SLC16A5: variants seen among roughly 807,000 people sequenced by gnomAD.
SLC16A5 encodes monocarboxylate transporter 6.
SLC16A5 carries 29 observed loss-of-function variants against 33.2 expected under a neutral mutation model. The observed-to-expected ratio is 0.87, with a 90% CI of 0.65 to 1.19. SLC16A5 has a LOEUF of 1.19. Among genes scored for constraint, SLC16A5 ranks in the 50% most tolerant of loss-of-function variants. SLC16A5 has a pLI of 0.00. For missense variants in SLC16A5, 606 were observed against 678.2 expected, an observed-to-expected ratio of 0.89 and a Z score of 1.18; for synonymous variants, 248 against 284.1, an observed-to-expected ratio of 0.87 and a Z score of 1.28.
At chr17:75,098,216 C>G (rs781276728) in intron 4 of SLC16A5, 35 bp downstream of exon 4, 3 of 1,609,994 alleles carry the variant, frequency 1.9e-6, no homozygotes, top group Non-Finnish European at 2.5e-6. Context: ...TTTATAGGCA[C>G]CTGCTAGAAA....
At chr17:75,094,665 A>G (rs1487604223) in intron 3 of SLC16A5, among the ~76,000 whole-genome samples, 1 of 146,504 alleles carries the variant, frequency 6.8e-6, no homozygotes, top group African/African-American at 2.6e-5. Flanking sequence ...CAGCCTGGGC[A>G]ACAAGAGTGA....
chr17:75,105,703 G>A (rs2073854095), intron 6 of SLC16A5, 177 bp from the exon 7 acceptor site: 1 of 985,442 alleles, frequency 1.0e-6, no homozygotes, highest in Non-Finnish European at 1.2e-6. Context: ...CCTGCAGCAG[G>A]TCATAAACTC....
intron 6 of SLC16A5, 96 bp from the exon 7 acceptor site, chr17:75,105,783 AG>A: frequency 7.0e-7 from 1 of 1,437,878 alleles, no homozygotes; most frequent in Non-Finnish European, 9.2e-7. Flanking sequence ...CTCCTAGCTC[AG>A]CAAGGGGTGC....
chr17:75,102,408 G>GA (rs66470818), intron 5 of SLC16A5, among the ~76,000 whole-genome samples: 27,912 of 151,886 alleles, frequency 0.18, 4,341 homozygotes, highest in African/African-American at 0.43. Flanking sequence ...ACTCCAACTC[G>GA]AAAAAAATAA....
In SLC16A5 at chr17:75,098,198, C is replaced by T; in HGVS notation, c.343+17C>T. 1.2e-6 allele frequency: 2 copies of T among 1,611,678 alleles called. No individual in the cohort carries two copies. Among genetic ancestry groups the T allele is most frequent in the Non-Finnish European group, 8.5e-7 (1 of 1,179,066 alleles). ...TCATCACAGGTGACTATCACTTCAT[C>T]TCCAGAATTTATAGGCACCTGCTAG... On this transcript the variant is annotated intron_variant, in intron 4 of 6. Transcript: ENST00000329783.
chr17:75,090,859 C>A (rs2073628877), intron 2 of SLC16A5, among the ~76,000 whole-genome samples: 2 of 152,138 alleles, frequency 1.3e-5, no homozygotes, highest in African/African-American at 4.8e-5. Flanking sequence ...GCCAGCTCCA[C>A]TGAAAGGTTC....
intron 3 of SLC16A5, among the ~76,000 whole-genome samples, chr17:75,096,488 A>T (rs1049691475): frequency 1.3e-5 from 2 of 150,006 alleles, no homozygotes; most frequent in African/African-American, 5.0e-5. Context: ...CTGCTTGATT[A>T]TGTCTGCGAC....
Position 75,093,842 on chromosome 17 carries a change from G to A in SLC16A5, c.199+7G>A, listed in dbSNP as rs781068994. On this transcript the variant is annotated splice_region_variant and intron_variant, in intron 3 of 6. Transcript: ENST00000329783. ...GCTGTGCTCCACATGGCAGGTGAGCGGCCTAGGGAGGGGCCGATGAGAAAG... is the reference window on the plus strand; with the variant it reads ...GCTGTGCTCCACATGGCAGGTGAGCAGCCTAGGGAGGGGCCGATGAGAAAG... The A allele has an allele frequency of 6.2e-6, 10 of 1,611,568 alleles. No individual in the cohort carries two copies. In the African/African-American group the frequency reaches 8.0e-5, roughly 13 times the overall value.
chr17:75,105,576 G>A, intron 6 of SLC16A5: 1 of 985,338 alleles, frequency 1.0e-6, no homozygotes, highest in Non-Finnish European at 1.2e-6. Flanking sequence ...CATCTTGCTG[G>A]TGCCTTTCCC....
intron 1 of SLC16A5, among the ~76,000 whole-genome samples, chr17:75,088,640 A>G (rs2073599725): frequency 2.0e-5 from 3 of 151,932 alleles, no homozygotes; most frequent in Non-Finnish European, 4.4e-5. Flanking sequence ...CCAGCCCAGG[A>G]GCCTACTTGA....
chr17:75,100,610 G>A lies in SLC16A5; in HGVS notation c.947G>A (p.Gly316Glu). The A allele has an allele frequency of 6.2e-7, 1 of 1,614,200 alleles. No homozygotes were observed. The highest frequency in any genetic ancestry group is 1.1e-5 in the South Asian group (1 of 91,084). ...TTCAGCCTGGCACTCCTGCTCAATG[G>A]GCTCACTAACCTGGTGTGTGCGGCA... Reference protein sequence around the residue: ...YLFSLALLLNGLTNLVCAASG... With the variant: ...YLFSLALLLNELTNLVCAASG... Residue 316 changes from glycine (G) to glutamate (E), a missense_variant, in exon 5 of 7, where the codon GGG becomes GAG. Physicochemically the swap from Gly to Glu is moderately conservative, Grantham distance 98. Transcript: ENST00000329783.
At chr17:75,096,657 A>G (rs2073722415) in intron 3 of SLC16A5, among the ~76,000 whole-genome samples, 3 of 149,766 alleles carry the variant, frequency 2.0e-5, no homozygotes, top group South Asian at 4.2e-4. Flanking sequence ...CAGCCTCCCT[A>G]GTAGCTTGGA....
intron 3 of SLC16A5, 147 bp downstream of exon 3, chr17:75,093,982 G>T: frequency 1.6e-6 from 2 of 1,248,012 alleles, no homozygotes; most frequent in African/African-American, 3.0e-5. Flanking sequence ...TTCACCAGGG[G>T]CCCCTGGCTG....
At chr17:75,093,933 G>C in intron 3 of SLC16A5, 98 bp downstream of exon 3, 1 of 1,489,890 alleles carries the variant, frequency 6.7e-7, no homozygotes, top group South Asian at 1.3e-5. Flanking sequence ...GAGGCCACAG[G>C]CTTTGCCTCC....
intron 5 of SLC16A5, 67 bp downstream of exon 5, chr17:75,100,883 GC>G: frequency 7.2e-7 from 1 of 1,385,864 alleles, no homozygotes; most frequent in Non-Finnish European, 9.7e-7. Flanking sequence ...ACAGATCTGG[GC>G]CCAGTCCAGC....
downstream of SLC16A5, chr17:75,106,178 T>G (rs1306642797): frequency 1.6e-5 from 8 of 495,840 alleles, no homozygotes; most frequent in East Asian, 2.2e-4. Flanking sequence ...GAGGTTGGTT[T>G]GGATGAGCTA....
At chr17:75,108,237 A>G (rs1157864551), downstream of SLC16A5, among the ~76,000 whole-genome samples, 1 of 152,154 alleles carries the variant, frequency 6.6e-6, no homozygotes, top group Non-Finnish European at 1.5e-5. Context: ...GATGGAGCTT[A>G]CTTCCATCCT....
chr17:75,107,037 G>A (rs1407448835), downstream of SLC16A5, among the ~76,000 whole-genome samples: 2 of 151,814 alleles, frequency 1.3e-5, no homozygotes, highest in Non-Finnish European at 2.9e-5. Flanking sequence ...AAAGCCAAGT[G>A]TGGTGGATCA....
At chr17:75,094,139 G>A (rs1353308383) in intron 3 of SLC16A5, among the ~76,000 whole-genome samples, 1 of 152,212 alleles carries the variant, frequency 6.6e-6, no homozygotes, top group East Asian at 1.9e-4. Flanking sequence ...GCTGGGAAGA[G>A]CGCTGGGGCC....
Sources: gnomAD v4.1 joint callset for allele counts (sites outside exome capture counted in the v4.1 genomes callset) on GRCh38, gnomAD v4.1.1 for gene constraint, MANE v1.5 for transcripts, NCBI Gene and HGNC (gene_info 2026-07-23, HGNC 2026-07-21) for gene names.